The following RBFOX3 variants were observed in gnomAD, a reference collection of about 807,000 sequenced individuals.
RBFOX3 encodes RNA binding protein fox-1 homolog 3.
A neutral mutation model predicts 48.7 loss-of-function variants in RBFOX3; 17 were observed. That is an observed-to-expected ratio of 0.35 (90% confidence interval 0.24 to 0.52). The LOEUF (loss-of-function observed/expected upper bound fraction) is 0.52, where lower values mean the gene tolerates loss of function less well. RBFOX3 is among the 20% of genes least tolerant of loss of function. The pLI, the probability that RBFOX3 is intolerant of heterozygous loss-of-function variation, is 0.94. For missense variants in RBFOX3, 382 were observed against 497.5 expected (o/e 0.77, Z 2.21); for synonymous variants, 212 against 209.5 (o/e 1.01, Z -0.10).
At chr17:79,544,332 G>A (rs1006217762) in intron 1 of RBFOX3, among the ~76,000 whole-genome samples, 2 of 152,192 alleles carry the variant, frequency 1.3e-5, no homozygotes, top group Non-Finnish European at 2.9e-5. Context: ...GGCACGTTGG[G>A]CACTCGCTGT....
rs984622344 is a variant in RBFOX3 at position 79,287,553 on chromosome 17, C to T, written c.-74+20171G>A. 3.9e-5 allele frequency among the ~76,000 whole-genome samples: 6 copies of T among 152,326 alleles called. No individual in the cohort carries two copies. In the South Asian group the frequency reaches 1.0e-3, roughly 26 times the overall value. ...AATCCACAACGTGAGATTCTCCAACCAGTGCTCTGGGCAGGATCAGACCCA... is the reference window on the plus strand; with the variant it reads ...AATCCACAACGTGAGATTCTCCAACTAGTGCTCTGGGCAGGATCAGACCCA... On this transcript the variant is annotated intron_variant, in intron 3 of 14. Coordinates refer to ENST00000693108, the MANE Select transcript of RBFOX3 (RefSeq NM_001350451.2).
chr17:79,275,231 A>G, intron 3 of RBFOX3, among the ~76,000 whole-genome samples: 1 of 145,696 alleles, frequency 6.9e-6, no homozygotes, highest in African/African-American at 2.6e-5. Context: ...TCTCACTAAA[A>G]TTTCCTCCCA....
At chr17:79,206,679 G>A (rs1221802597) in intron 4 of RBFOX3, among the ~76,000 whole-genome samples, 3 of 152,186 alleles carry the variant, frequency 2.0e-5, no homozygotes, top group Non-Finnish European at 4.4e-5. Flanking sequence ...GGCCACCACT[G>A]CTCAGCTGTC....
chr17:79,126,899 C>T (rs2037453499), intron 4 of RBFOX3, among the ~76,000 whole-genome samples: 1 of 152,224 alleles, frequency 6.6e-6, no homozygotes, highest in Non-Finnish European at 1.5e-5. Flanking sequence ...CTGGAAACTT[C>T]CACCCGGCAC....
intron 4 of RBFOX3, among the ~76,000 whole-genome samples, chr17:79,217,256 C>G (rs576974178): frequency 1.3e-5 from 2 of 152,330 alleles, no homozygotes; most frequent in East Asian, 3.9e-4. Flanking sequence ...AAAATGGGAG[C>G]AACAATATCT....
rs527320862 is a variant in RBFOX3, at chr17:79,214,573, C to T, written c.-34+21193G>A. ...TGGGAGGGATGTCTGGGGGGGGTCT[C>T]GGAGGAAGCAGGAAGGGTTGGCCTC... On this transcript the variant is annotated intron_variant, in intron 4 of 14. Coordinates refer to ENST00000693108, the MANE Select transcript of RBFOX3 (RefSeq NM_001350451.2). This position sits in a 1 kb window ranked among gnomAD's most constrained non-coding sequence, Gnocchi z 4.7. Among the ~76,000 whole-genome samples, 189 of 151,672 alleles carry T rather than the reference C, an allele frequency of 1.2e-3. No individual in the cohort carries two copies. The highest frequency in any genetic ancestry group is 4.0e-3 in the South Asian group (19 of 4,784).
chr17:79,615,814 C>A (rs2093991522), upstream of RBFOX3, among the ~76,000 whole-genome samples: 1 of 152,114 alleles, frequency 6.6e-6, no homozygotes, highest in South Asian at 2.1e-4. Flanking sequence ...CCAAGGAGGC[C>A]CTTGGTTCCC....
intron 1 of RBFOX3, among the ~76,000 whole-genome samples, chr17:79,536,668 C>T (rs1447274779): frequency 6.8e-6 from 1 of 148,000 alleles, no homozygotes; most frequent in African/African-American, 2.5e-5. Context: ...CAGCGTAGCA[C>T]TTTGCAGAGT....
chr17:79,442,159 G>A (rs1364372673), intron 2 of RBFOX3, among the ~76,000 whole-genome samples: 2 of 149,518 alleles, frequency 1.3e-5, no homozygotes, highest in Non-Finnish European at 3.0e-5. Flanking sequence ...ACCCCATTCG[G>A]CCTCCAACCA....
intron 3 of RBFOX3, among the ~76,000 whole-genome samples, chr17:79,247,579 T>G (rs1294135820): frequency 6.6e-6 from 1 of 152,154 alleles, no homozygotes; most frequent in East Asian, 1.9e-4. Context: ...CCCAAAATGC[T>G]AGGATTACAG....
intron 1 of RBFOX3, among the ~76,000 whole-genome samples, chr17:79,484,968 C>T (rs2149521012): frequency 6.6e-6 from 1 of 152,346 alleles, no homozygotes; most frequent in East Asian, 1.9e-4. Flanking sequence ...CACTTCTGGT[C>T]CTGGAGGCGA....
At chr17:79,295,229 A>G (rs8078334) in intron 3 of RBFOX3, among the ~76,000 whole-genome samples, 51,173 of 152,034 alleles carry the variant, frequency 0.34, 9,084 homozygotes, top group African/African-American at 0.46. Flanking sequence ...GTGTGTCCTC[A>G]CTAAATCCAC....
intron 4 of RBFOX3, among the ~76,000 whole-genome samples, chr17:79,140,230 G>T (rs765719078): frequency 1.3e-5 from 2 of 152,240 alleles, no homozygotes; most frequent in African/African-American, 2.4e-5. Flanking sequence ...AACTGAGGCT[G>T]CGAGAGCTTA....
rs1483078859 is a variant in RBFOX3 at position 79,090,650 on chromosome 17, G to T, written c.*233C>A. ...CCCACTGTGCTGCCAGCCAGGACGC[G>T]GTGGGGCCGTCCTGTCCTGGGGCCG... On this transcript the variant is annotated 3_prime_UTR_variant, in exon 15 of 15. Coordinates refer to ENST00000693108, the MANE Select transcript of RBFOX3 (RefSeq NM_001350451.2). 1 of 532,540 alleles carries T rather than the reference G, an allele frequency of 1.9e-6. No homozygotes were observed. The highest frequency in any genetic ancestry group is 3.1e-5 in the East Asian group (1 of 32,166). The allele number at this position is 532,540 out of a possible 1,614,324, so 33.0% of individuals were successfully genotyped here.
chr17:79,587,638 C>T (rs965890128), intron 1 of RBFOX3, among the ~76,000 whole-genome samples: 21 of 152,300 alleles, frequency 1.4e-4, no homozygotes, highest in African/African-American at 3.1e-4. Context: ...GGTCCCCCCA[C>T]GGAGCAGCAG....
At chr17:79,405,499 T>A (rs990125206) in intron 2 of RBFOX3, among the ~76,000 whole-genome samples, 1 of 152,064 alleles carries the variant, frequency 6.6e-6, no homozygotes, top group African/African-American at 2.4e-5. Flanking sequence ...TTTGGGTAGA[T>A]CACTTGAGGC....
At chr17:79,497,909 T>C (rs1437301302) in intron 1 of RBFOX3, among the ~76,000 whole-genome samples, 2 of 152,094 alleles carry the variant, frequency 1.3e-5, no homozygotes, top group African/African-American at 4.8e-5. Flanking sequence ...CCCCACTCCC[T>C]CTGACAGCAA....
intron 2 of RBFOX3, among the ~76,000 whole-genome samples, chr17:79,463,276 C>T (rs370000514): frequency 9.9e-6 from 1 of 101,206 alleles, no homozygotes; most frequent in African/African-American, 3.6e-5. Flanking sequence ...CCACTGCCAC[C>T]TCCACCACCA....
chr17:79,451,503 C>T (rs2073503800), intron 2 of RBFOX3, among the ~76,000 whole-genome samples: 1 of 152,208 alleles, frequency 6.6e-6, no homozygotes, highest in South Asian at 2.1e-4. Flanking sequence ...TTGACTGCAG[C>T]TCAACTGTTC....
Sources: allele counts gnomAD v4.1 joint callset (sites outside exome capture counted in the v4.1 genomes callset), GRCh38; gene constraint gnomAD v4.1.1; non-coding constraint Gnocchi (gnomAD v3.1); transcripts MANE v1.5; gene names NCBI Gene and HGNC (gene_info 2026-07-23, HGNC 2026-07-21).